The following ACACA variants were observed in gnomAD, a reference collection of about 807,000 sequenced individuals.
ACACA encodes acetyl-CoA carboxylase 1.
In ACACA, 103 loss-of-function variants were observed where a neutral mutation model predicts 296.1. That is an observed-to-expected ratio of 0.35 (90% CI 0.30 to 0.41). The LOEUF (loss-of-function observed/expected upper bound fraction) is 0.41, where lower values mean the gene tolerates loss of function less well. Among genes scored for constraint, ACACA ranks in the 10% least tolerant of loss-of-function variants. ACACA has a pLI of 1.00. For missense variants in ACACA, 1,554 were observed against 2,989.7 expected (o/e 0.52, Z 11.20); for synonymous variants, 953 against 1,038.6 (o/e 0.92, Z 1.58).
chr17:37,247,374 C>CTTTTTTTT (rs59972801), intron 18 of ACACA, among the ~76,000 whole-genome samples: 47,366 of 144,312 alleles, frequency 0.33, 10,346 homozygotes, highest in African/African-American at 0.62. Context: ...TTGTGAATTT[C>CTTTTTTTT]TTTTTTTTTT....
In ACACA at chr17:37,218,527, T is replaced by C. The variant is rs185338717; in HGVS notation, c.3683+3197A>G. Among the ~76,000 whole-genome samples the C allele has an allele frequency of 2.3e-3, 356 of 152,338 alleles. 3 individuals are homozygous for C. The highest frequency in any genetic ancestry group is 0.011 in the South Asian group (51 of 4,830). ...ACAGTACTGGTTTAGAAGTAGTAAC[T>C]GTCAATTATAGCTGTTCATCAGAGT... On this transcript the variant is annotated intron_variant, in intron 29 of 55. Transcript: ENST00000616317.
rs542424430 is a variant in ACACA at position 37,302,266 on chromosome 17, G to A, written c.339-17296C>T. ...GACCCAGGCTGGAGTGCAATGGCGC[G>A]ATCTCGGCTCACTGCAATCTGCAAC... On this transcript the variant is annotated intron_variant, in intron 3 of 55. Coordinates refer to ENST00000616317, the MANE Select transcript of ACACA (RefSeq NM_198834.3). 6.6e-5 allele frequency among the ~76,000 whole-genome samples: 10 copies of A among 150,566 alleles called. No individual in the cohort carries two copies. In the South Asian group the frequency reaches 1.7e-3, roughly 25 times the overall value.
At chr17:37,244,860 T>A in intron 20 of ACACA, 126 bp from the exon 21 acceptor site, 1 of 1,416,054 alleles carries the variant, frequency 7.1e-7, no homozygotes, top group Non-Finnish European at 1.0e-6. Flanking sequence ...GGGAAGTCAA[T>A]AGAGGAAACA....
intron 7 of ACACA, 108 bp downstream of exon 7, chr17:37,276,925 G>A: frequency 1.1e-6 from 1 of 937,372 alleles, no homozygotes; most frequent in Non-Finnish European, 1.8e-6. Context: ...AAAAAAAAGA[G>A]AGAGAGAGCC....
intron 3 of ACACA, among the ~76,000 whole-genome samples, chr17:37,288,599 T>C (rs1349084514): frequency 6.6e-6 from 1 of 152,150 alleles, no homozygotes; most frequent in East Asian, 1.9e-4. Flanking sequence ...AACTACATAA[T>C]TTTAAAAGGT....
intron 43 of ACACA, among the ~76,000 whole-genome samples, chr17:37,155,028 A>T (rs1213843254): frequency 6.6e-6 from 1 of 152,192 alleles, no homozygotes; most frequent in Non-Finnish European, 1.5e-5. Flanking sequence ...ATTATTTTTT[A>T]AAATCCTTAA....
intron 45 of ACACA, among the ~76,000 whole-genome samples, chr17:37,147,141 G>A (rs1005436598): frequency 6.6e-6 from 1 of 152,010 alleles, no homozygotes; most frequent in Non-Finnish European, 1.5e-5. Flanking sequence ...AAATGTGGGG[G>A]TCAAATATTT....
chr17:37,237,721 T>C (rs994520331), intron 24 of ACACA, among the ~76,000 whole-genome samples: 2 of 152,066 alleles, frequency 1.3e-5, no homozygotes, highest in Non-Finnish European at 2.9e-5. Context: ...TTTTTAGGTA[T>C]ATATTTTGTA....
At chr17:37,140,929 C>A in intron 45 of ACACA, 1 of 320,808 alleles carries the variant, frequency 3.1e-6, no homozygotes. Context: ...AGAGCCACAG[C>A]CACCTGTCAC....
At chr17:37,264,312 T>G (rs1168639106) in intron 10 of ACACA, among the ~76,000 whole-genome samples, 1 of 152,200 alleles carries the variant, frequency 6.6e-6, no homozygotes, top group East Asian at 1.9e-4. Context: ...CCAAAGGACT[T>G]TCATCTTTAG....
intron 3 of ACACA, among the ~76,000 whole-genome samples, chr17:37,304,681 T>A (rs1449605266): frequency 6.6e-6 from 1 of 151,588 alleles, no homozygotes; most frequent in Non-Finnish European, 1.5e-5. Flanking sequence ...TACCAGCTAC[T>A]CGGGAGGCTG....
At chr17:37,099,309 C>T (rs758662172) in intron 52 of ACACA, among the ~76,000 whole-genome samples, 1 of 152,208 alleles carries the variant, frequency 6.6e-6, no homozygotes, top group African/African-American at 2.4e-5. Flanking sequence ...GATGAAGGTG[C>T]CACTGATCTG....
chr17:37,189,556 C>T (rs896752367), intron 38 of ACACA, among the ~76,000 whole-genome samples: 2 of 152,024 alleles, frequency 1.3e-5, no homozygotes, highest in Non-Finnish European at 2.9e-5. Flanking sequence ...AAATTGGCAG[C>T]TATCTATCAT....
chr17:37,352,112 G>C (rs1360520337), intron 1 of ACACA, among the ~76,000 whole-genome samples: 1 of 151,238 alleles, frequency 6.6e-6, no homozygotes, highest in Non-Finnish European at 1.5e-5. Context: ...TAGAGACAAG[G>C]CTTCACCATG....
chr17:37,150,848 T>C (rs1468627026), intron 44 of ACACA, among the ~76,000 whole-genome samples: 1 of 151,516 alleles, frequency 6.6e-6, no homozygotes, highest in African/African-American at 2.4e-5. Flanking sequence ...GGTCAAGAGA[T>C]TGAGACCATC....
chr17:37,091,596 C>A (rs766522860), intron 54 of ACACA, among the ~76,000 whole-genome samples: 2 of 152,002 alleles, frequency 1.3e-5, no homozygotes, highest in Non-Finnish European at 2.9e-5. Flanking sequence ...TTTTTCTTCC[C>A]CCAGACAGGG....
At chr17:37,325,506 G>A (rs1232094231) in intron 3 of ACACA, among the ~76,000 whole-genome samples, 1 of 147,824 alleles carries the variant, frequency 6.8e-6, no homozygotes, top group East Asian at 2.0e-4. Context: ...CAAATCAGTT[G>A]TCTACAATGA....
intron 1 of ACACA, among the ~76,000 whole-genome samples, chr17:37,383,646 C>A (rs1284392429): frequency 7.9e-5 from 12 of 152,222 alleles, no homozygotes; most frequent in Non-Finnish European, 1.6e-4. Flanking sequence ...CTCCCAGGTT[C>A]AAGCAATTCT....
At chr17:37,141,179 A>G in intron 45 of ACACA, 2 of 539,312 alleles carry the variant, frequency 3.7e-6, no homozygotes, top group East Asian at 4.7e-5. Context: ...TCCTTGAGAG[A>G]GGTCCCCACG....
Sources: allele counts gnomAD v4.1 joint callset (sites outside exome capture counted in the v4.1 genomes callset), GRCh38; gene constraint gnomAD v4.1.1; transcripts MANE v1.5; gene names NCBI Gene and HGNC (gene_info 2026-07-23, HGNC 2026-07-21).